The following ZNF385B variants were observed in gnomAD, a reference collection of about 807,000 sequenced individuals.
ZNF385B encodes the protein zinc finger protein 385B.
Under a neutral mutation model 39.2 loss-of-function variants are expected in ZNF385B, and 23 were observed. The observed-to-expected ratio is 0.59, with a 90% CI of 0.42 to 0.83. ZNF385B has a LOEUF of 0.83. Among genes scored for constraint, ZNF385B ranks in the 40% least tolerant of loss-of-function variants. ZNF385B has a pLI of 0.00. For synonymous variants in ZNF385B, 205 were observed against 222.6 expected (o/e 0.92, Z 0.70); for missense variants, 552 against 598.9 (o/e 0.92, Z 0.82).
chr2:179,715,694 A>G (rs1470070571), intron 3 of ZNF385B, among the ~76,000 whole-genome samples: 1 of 144,756 alleles, frequency 6.9e-6, no homozygotes, highest in East Asian at 2.0e-4. Context: ...TTTACTTTAT[A>G]AGGGTAAATT....
intron 3 of ZNF385B, among the ~76,000 whole-genome samples, chr2:179,555,443 T>C (rs2060844014): frequency 1.3e-5 from 2 of 149,480 alleles, no homozygotes; most frequent in South Asian, 4.3e-4. Context: ...TATATTTGTG[T>C]ACATTCATTC....
At chr2:179,727,189 T>C (rs545754161) in intron 3 of ZNF385B, among the ~76,000 whole-genome samples, 53 of 152,198 alleles carry the variant, frequency 3.5e-4, no homozygotes, top group South Asian at 8.3e-4. Context: ...TTTTATCTGA[T>C]AACCACTCAA....
At chr2:179,572,475 G>C (rs1249323108) in intron 3 of ZNF385B, among the ~76,000 whole-genome samples, 1 of 152,066 alleles carries the variant, frequency 6.6e-6, no homozygotes, top group Admixed American at 6.6e-5. Context: ...AGTTCAAGTA[G>C]AAGGCATCAT....
intron 3 of ZNF385B, among the ~76,000 whole-genome samples, chr2:179,664,171 G>T (rs3106725): frequency 0.22 from 32,005 of 147,060 alleles, 3,535 homozygotes; most frequent in Admixed American, 0.26. Context: ...TAGAACTAAA[G>T]TATCTAAGAG....
chr2:179,735,273 A>G (rs1701670567), intron 3 of ZNF385B, among the ~76,000 whole-genome samples: 2 of 149,994 alleles, frequency 1.3e-5, no homozygotes, highest in African/African-American at 4.9e-5. Context: ...CAAAAAACAC[A>G]TGAAAAATTG....
chr2:179,613,286 C>T (rs1370439037), intron 3 of ZNF385B, among the ~76,000 whole-genome samples: 2 of 152,138 alleles, frequency 1.3e-5, no homozygotes, highest in African/African-American at 4.8e-5. Flanking sequence ...CTTCCCTCTC[C>T]TTTTCTCAAG....
intron 3 of ZNF385B, among the ~76,000 whole-genome samples, chr2:179,725,415 A>ATT (rs1444480360): frequency 6.6e-6 from 1 of 151,936 alleles, no homozygotes; most frequent in Admixed American, 6.6e-5. Context: ...ACATATATAT[A>ATT]AAAACACATA....
rs569363051 is a variant in ZNF385B at position 179,769,928 on chromosome 2, A to G, written c.-2-126T>C. ...GCCCAGCTACCCAGTGGTTACTACT[A>G]GAAAAAAAATCATCAAAAGTACCTA... On this transcript the variant is annotated intron_variant, in intron 2 of 9. Coordinates refer to ENST00000410066, the MANE Select transcript of ZNF385B (RefSeq NM_152520.6). 2.2e-5 allele frequency: 19 copies of G among 861,046 alleles called. No homozygotes were observed. The African/African-American group carries it at 3.2e-4, about 15-fold the overall frequency. The allele number at this position is 861,046 out of a possible 1,614,324, so 53.3% of individuals were successfully genotyped here. A position where few individuals can be genotyped will look rare whatever the true frequency, so the allele number is the denominator to read the frequency against.
chr2:179,699,787 A>G (rs1215898894), intron 3 of ZNF385B, among the ~76,000 whole-genome samples: 1 of 152,220 alleles, frequency 6.6e-6, no homozygotes, highest in East Asian at 1.9e-4. Flanking sequence ...TTGATGGCAT[A>G]TATTTGTGAG....
chr2:179,748,137 T>C (rs1014259151), intron 3 of ZNF385B, among the ~76,000 whole-genome samples: 4 of 151,970 alleles, frequency 2.6e-5, no homozygotes, highest in African/African-American at 9.7e-5. Flanking sequence ...GTTACTTTAA[T>C]GGATGGGCAA....
At chr2:179,767,411 G>A (rs903877971) in intron 3 of ZNF385B, among the ~76,000 whole-genome samples, 4 of 152,138 alleles carry the variant, frequency 2.6e-5, no homozygotes, top group African/African-American at 9.7e-5. Flanking sequence ...CATGTGCCCA[G>A]CCCTCCACTC....
intron 1 of ZNF385B, among the ~76,000 whole-genome samples, chr2:179,858,414 G>A (rs1033819357): frequency 3.3e-5 from 5 of 152,062 alleles, no homozygotes; most frequent in African/African-American, 1.2e-4. Context: ...ATTTTGGAGG[G>A]AGAGTAGAGC....
intron 3 of ZNF385B, among the ~76,000 whole-genome samples, chr2:179,624,054 C>G (rs1266892954): frequency 2.6e-5 from 4 of 152,150 alleles, no homozygotes; most frequent in Admixed American, 2.6e-4. Context: ...AGAACCAGCC[C>G]AAGTACAACT....
At chr2:179,582,029 C>CATAT (rs1235163246) in intron 3 of ZNF385B, among the ~76,000 whole-genome samples, 2 of 152,142 alleles carry the variant, frequency 1.3e-5, no homozygotes, top group Non-Finnish European at 2.9e-5. Flanking sequence ...GAGGACTGTA[C>CATAT]ATATGCCTTG....
intron 1 of ZNF385B, among the ~76,000 whole-genome samples, chr2:179,819,050 C>T (rs1479535025): frequency 6.6e-6 from 1 of 151,358 alleles, no homozygotes; most frequent in Non-Finnish European, 1.5e-5. Context: ...CACACACACA[C>T]ACACACACAC....
chr2:179,846,022 ATGG>A lies in ZNF385B; in HGVS notation c.-155+15076_-155+15078del, dbSNP rs1278982874. 3.3e-5 allele frequency among the ~76,000 whole-genome samples: 5 copies of A among 152,338 alleles called. No homozygotes were observed. In the East Asian group the frequency reaches 7.7e-4, roughly 24 times the overall value. ...ATTCTCTTCACTGGCATACTTGCACATGGTAATGACTGAATACATACTTTTGGT... is the reference window on the plus strand; with the variant it reads ...ATTCTCTTCACTGGCATACTTGCACATAATGACTGAATACATACTTTTGGT... On this transcript the variant is annotated intron_variant, in intron 1 of 9. Coordinates refer to ENST00000410066, the MANE Select transcript of ZNF385B (RefSeq NM_152520.6).
At chr2:179,647,083 G>A (rs1343581216) in intron 3 of ZNF385B, among the ~76,000 whole-genome samples, 1 of 152,130 alleles carries the variant, frequency 6.6e-6, no homozygotes, top group Non-Finnish European at 1.5e-5. Flanking sequence ...CCCACACCAT[G>A]TATTATCTAT....
At chr2:179,462,306 T>C (rs1365313092) in intron 6 of ZNF385B, among the ~76,000 whole-genome samples, 1 of 152,218 alleles carries the variant, frequency 6.6e-6, no homozygotes, top group African/African-American at 2.4e-5. Context: ...AAGAAATTAA[T>C]GGGCATCAGT....
chr2:179,657,306 G>T (rs1339972104), intron 3 of ZNF385B, among the ~76,000 whole-genome samples: 1 of 152,186 alleles, frequency 6.6e-6, no homozygotes, highest in African/African-American at 2.4e-5. Context: ...TGCTTGTAAA[G>T]AATTTGCTGT....
Sources: allele counts gnomAD v4.1 joint callset (sites outside exome capture counted in the v4.1 genomes callset), GRCh38; gene constraint gnomAD v4.1.1; transcripts MANE v1.5; gene names NCBI Gene and HGNC (gene_info 2026-07-23, HGNC 2026-07-21).